The following PRKAG2 variants were observed in gnomAD, a reference collection of about 807,000 sequenced individuals.
PRKAG2 encodes the protein 5'-AMP-activated protein kinase subunit gamma-2.
A neutral mutation model predicts 69.6 loss-of-function variants in PRKAG2; 26 were observed. The observed-to-expected ratio is 0.37, with a 90% confidence interval of 0.27 to 0.52. The LOEUF (loss-of-function observed/expected upper bound fraction) is 0.52. PRKAG2 is among the 20% of genes least tolerant of loss of function. The pLI is 0.90. For missense variants in PRKAG2, 557 were observed against 740.0 expected, an observed-to-expected ratio of 0.75 and a Z score of 2.87; for synonymous variants, 293 against 285.0, an observed-to-expected ratio of 1.03 and a Z score of -0.28.
chr7:151,601,101 CT>C (rs1345827921), intron 5 of PRKAG2, among the ~76,000 whole-genome samples: 2 of 152,138 alleles, frequency 1.3e-5, no homozygotes, highest in African/African-American at 4.8e-5. Flanking sequence ...GGGAGGACCC[CT>C]GTGTCCTGGG....
intron 4 of PRKAG2, among the ~76,000 whole-genome samples, chr7:151,642,226 C>T (rs1305849621): frequency 6.6e-6 from 1 of 152,118 alleles, no homozygotes; most frequent in East Asian, 1.9e-4. Context: ...ACCTGTAGTC[C>T]CAGCTACTCA....
chr7:151,630,773 G>A (rs927132974), intron 5 of PRKAG2, among the ~76,000 whole-genome samples: 21 of 152,368 alleles, frequency 1.4e-4, no homozygotes, highest in African/African-American at 5.1e-4. Flanking sequence ...CAGCGGCCAA[G>A]ATTTGGCCTG....
At chr7:151,870,661 C>G (rs927469091) in intron 1 of PRKAG2, among the ~76,000 whole-genome samples, 1 of 152,216 alleles carries the variant, frequency 6.6e-6, no homozygotes, top group South Asian at 2.1e-4. Flanking sequence ...CCTTCCCACC[C>G]TCATCCTGGA....
chr7:151,670,061 CGCATGCACACTCACCT>C (rs1563386715), intron 4 of PRKAG2, among the ~76,000 whole-genome samples: 1 of 148,426 alleles, frequency 6.7e-6, no homozygotes, highest in East Asian at 2.0e-4. Context: ...TGCACATACC[CGCATGCACACTCACCT>C]GCATGCACAC....
chr7:151,585,285 C>T (rs991592850), intron 6 of PRKAG2, among the ~76,000 whole-genome samples: 4 of 152,154 alleles, frequency 2.6e-5, no homozygotes, highest in African/African-American at 7.2e-5. Context: ...TACATTCCCA[C>T]GCATCTTTTC....
chr7:151,768,620 T>C (rs1047213614), intron 3 of PRKAG2, among the ~76,000 whole-genome samples: 2 of 152,142 alleles, frequency 1.3e-5, no homozygotes, highest in African/African-American at 4.8e-5. Context: ...GCACATGCCA[T>C]CATACCTGGC....
chr7:151,663,966 A>G (rs572682214), intron 4 of PRKAG2, among the ~76,000 whole-genome samples: 33 of 152,266 alleles, frequency 2.2e-4, no homozygotes, highest in African/African-American at 7.7e-4. Context: ...GCAGCAACTC[A>G]CTCTGCTGTT....
intron 3 of PRKAG2, among the ~76,000 whole-genome samples, chr7:151,778,534 T>A (rs76318196): frequency 1.3e-5 from 2 of 152,160 alleles, no homozygotes; most frequent in Admixed American, 6.5e-5. Flanking sequence ...CACTCAGCCA[T>A]CTGTAGGTTC....
Position 151,632,054 on chromosome 7 carries a change from G to C in PRKAG2, c.754+15C>G. The stretch of plus-strand genomic sequence containing the variant: ...CGTGGGAGCGCCGGGCCGGCAGCGG[G>C]CGGGGCGCACTCACCTTCGTCCTCG... On this transcript the variant is annotated intron_variant, in intron 5 of 15. Coordinates refer to ENST00000287878, the MANE Select transcript of PRKAG2 (RefSeq NM_016203.4). This position sits in a 1 kb window ranked among gnomAD's most constrained non-coding sequence, Gnocchi z 4.2. 1 of 1,372,054 alleles carries C rather than the reference G, an allele frequency of 7.3e-7. No homozygotes were observed. Among genetic ancestry groups the C allele is most frequent in the African/African-American group, 1.5e-5 (1 of 66,980 alleles). The allele number at this position is 1,372,054 out of a possible 1,614,324, so 85.0% of individuals were successfully genotyped here.
chr7:151,697,664 G>A (rs1311673707), intron 3 of PRKAG2, among the ~76,000 whole-genome samples: 8 of 152,128 alleles, frequency 5.3e-5, no homozygotes, highest in Admixed American at 2.0e-4. Context: ...CTTAGCTGTG[G>A]GGGGCACAGA....
At chr7:151,736,503 T>C in intron 3 of PRKAG2, 2 of 783,542 alleles carry the variant, frequency 2.6e-6, no homozygotes, top group Non-Finnish European at 3.1e-6. Context: ...AAACAGACTG[T>C]AAAAGGAAAC....
In PRKAG2 at chr7:151,745,014, G is replaced by A. The variant is rs530868154; in HGVS notation, c.466+36138C>T. Among the ~76,000 whole-genome samples, 22 of 152,328 alleles carry A rather than the reference G, an allele frequency of 1.4e-4. No homozygotes were observed. In the South Asian group the frequency reaches 1.5e-3, roughly 10 times the overall value. ...GTGCTCAGTGATTTGCCCAGGATCC[G>A]TGGGCAGCTTGTGGGATTGTGGGGG... On this transcript the variant is annotated intron_variant, in intron 3 of 15. Coordinates refer to ENST00000287878, the MANE Select transcript of PRKAG2 (RefSeq NM_016203.4).
chr7:151,852,610 G>A (rs891765206), intron 1 of PRKAG2, among the ~76,000 whole-genome samples: 1 of 152,020 alleles, frequency 6.6e-6, no homozygotes, highest in Non-Finnish European at 1.5e-5. Flanking sequence ...CATTGTTAAT[G>A]GGGCCCTGAG....
chr7:151,618,360 GGA>G (rs1048252274), intron 5 of PRKAG2, among the ~76,000 whole-genome samples: 8 of 152,094 alleles, frequency 5.3e-5, no homozygotes, highest in African/African-American at 1.9e-4. Context: ...GCCTGAGGCA[GGA>G]GAATCGCTTG....
chr7:151,586,535 T>C (rs1307079810), intron 6 of PRKAG2, among the ~76,000 whole-genome samples: 3 of 152,242 alleles, frequency 2.0e-5, no homozygotes, highest in Admixed American at 2.0e-4. Flanking sequence ...TTCCCTTTAA[T>C]GCTAGAATGT....
intron 6 of PRKAG2, among the ~76,000 whole-genome samples, chr7:151,590,807 G>A (rs1166016493): frequency 1.3e-5 from 2 of 152,220 alleles, no homozygotes; most frequent in Non-Finnish European, 2.9e-5. Context: ...GGACAAAGAC[G>A]AGAAATTTAA....
At chr7:151,785,826 C>T (rs1392573233) in intron 2 of PRKAG2, among the ~76,000 whole-genome samples, 3 of 152,102 alleles carry the variant, frequency 2.0e-5, no homozygotes, top group African/African-American at 7.2e-5. Context: ...TCGACCCTCA[C>T]CTGATGCTGT....
At chr7:151,827,326 C>A (rs976978837) in intron 1 of PRKAG2, among the ~76,000 whole-genome samples, 6 of 152,164 alleles carry the variant, frequency 3.9e-5, no homozygotes, top group Non-Finnish European at 8.8e-5. Context: ...GCAACCTCTG[C>A]CTCCCAGGTT....
intron 1 of PRKAG2, among the ~76,000 whole-genome samples, chr7:151,844,604 G>A (rs548895063): frequency 1.3e-5 from 2 of 152,328 alleles, no homozygotes; most frequent in South Asian, 4.1e-4. Context: ...ATAACTCAGT[G>A]CCTGGCAAAC....
Sources: gnomAD v4.1 joint callset for allele counts (sites outside exome capture counted in the v4.1 genomes callset) on GRCh38, gnomAD v4.1.1 for gene constraint, Gnocchi (gnomAD v3.1) non-coding constraint, MANE v1.5 for transcripts, NCBI Gene and HGNC (gene_info 2026-07-23, HGNC 2026-07-21) for gene names.